The following PWWP2A variants were observed in gnomAD, a reference collection of about 807,000 sequenced individuals.
PWWP2A encodes PWWP domain containing 2A, also known as PWWP domain-containing protein 2A.
In PWWP2A, 18 loss-of-function variants were observed where a neutral mutation model predicts 48.5. The ratio of observed to expected loss-of-function variants is 0.37; its 90% CI spans 0.26 to 0.55. PWWP2A has a LOEUF of 0.55. Among genes scored for constraint, PWWP2A ranks in the 20% least tolerant of loss-of-function variants. PWWP2A has a pLI of 0.81. For synonymous variants in PWWP2A, 396 were observed against 387.7 expected (o/e 1.02, Z -0.25); for missense variants, 867 against 976.4 (o/e 0.89, Z 1.49).
At chr5:160,115,164 AAAAG>A (rs1405050638) in intron 1 of PWWP2A, among the ~76,000 whole-genome samples, 24 of 150,036 alleles carry the variant, frequency 1.6e-4, no homozygotes, top group African/African-American at 5.7e-4. Flanking sequence ...AAAAAAAAAA[AAAAG>A]AGCACAAACT....
rs1755241986 is a variant in PWWP2A, at chr5:160,093,038, G to T, written c.1612C>A (p.Gln538Lys). 1 of 1,605,930 alleles carries T rather than the reference G, an allele frequency of 6.2e-7. No individual in the cohort carries two copies. Among genetic ancestry groups the T allele is most frequent in the Non-Finnish European group, 8.5e-7 (1 of 1,176,284 alleles). The change falls in exon 2 of 2, where the codon CAG (glutamine) becomes AAG (lysine). Residue 538 changes from glutamine (Q) to lysine (K), a missense_variant. Physicochemically the swap from Gln to Lys is moderately conservative, Grantham distance 53 (BLOSUM62 1). Around this residue, in one of 4 missense-constraint regions of PWWP2A, gnomAD observed 382 missense variants for 407.2 expected, o/e 0.94. Coordinates refer to ENST00000307063, the MANE Select transcript of PWWP2A (RefSeq NM_001130864.2). The surrounding 1 kb of genome is among the most constrained non-coding windows in gnomAD (Gnocchi z 5.8). ...GGCACATGCACTTCATTTGTGTCCTGAACCTCACTGCTGGCCTCTTCAGGG... is the reference window on the plus strand; with the variant it reads ...GGCACATGCACTTCATTTGTGTCCTTAACCTCACTGCTGGCCTCTTCAGGG... ...KGPEEASSEV[Q>K]DTNEVHVPGD...
At chr5:160,072,092 G>A (rs1233163175), downstream of PWWP2A, among the ~76,000 whole-genome samples, 1 of 152,096 alleles carries the variant, frequency 6.6e-6, no homozygotes, top group Non-Finnish European at 1.5e-5. Context: ...AAGTATGTGC[G>A]CATTCCACCA....
chr5:160,068,756 T>C (rs1753675043), intron 2 of PWWP2A, among the ~76,000 whole-genome samples: 2 of 152,218 alleles, frequency 1.3e-5, no homozygotes, highest in African/African-American at 4.8e-5. Flanking sequence ...CAGCTACCAC[T>C]GTATTAGAGA....
At chr5:160,109,155 T>G in intron 1 of PWWP2A, among the ~76,000 whole-genome samples, 1 of 152,122 alleles carries the variant, frequency 6.6e-6, no homozygotes, top group East Asian at 1.9e-4. Flanking sequence ...AGCTAATTTT[T>G]GTATTTTTAG....
At chr5:160,096,992 A>G (rs1164638685) in intron 1 of PWWP2A, among the ~76,000 whole-genome samples, 1 of 152,192 alleles carries the variant, frequency 6.6e-6, no homozygotes, top group Admixed American at 6.5e-5. Flanking sequence ...CTTGGTTAAT[A>G]TTTACTTTAT....
Position 160,092,731 on chromosome 5 carries a change from T to C in PWWP2A, c.1919A>G (p.Lys640Arg). ...TGGTGTGACGCATTTAGAGACGTTT[T>C]TGGAAAAGACTTTCATTTTCAAGGA... Reference protein sequence around the residue: ...SNSLKMKVFSKNVSKCVTPDG... With the variant: ...SNSLKMKVFSRNVSKCVTPDG... The change falls in exon 2 of 2, where the codon AAA becomes AGA. Residue 640 changes from lysine (K) to arginine (R), a missense_variant. Transcript: ENST00000307063. 1 of 1,551,658 alleles carries C rather than the reference T, an allele frequency of 6.4e-7. No individual in the cohort carries two copies. Among genetic ancestry groups the C allele is most frequent in the Non-Finnish European group, 8.7e-7 (1 of 1,146,988 alleles).
downstream of PWWP2A, chr5:160,090,409 G>A (rs1280071442): frequency 3.1e-6 from 3 of 983,090 alleles, no homozygotes; most frequent in Middle Eastern, 5.2e-4. Flanking sequence ...TCATTAATCT[G>A]AAACAAATAC....
chr5:160,080,916 CAGAA>C, intron 2 of PWWP2A: 1 of 723,352 alleles, frequency 1.4e-6, no homozygotes, highest in Admixed American at 3.0e-5. Context: ...GCTCGCTTCA[CAGAA>C]GGAGAAGCTT....
chr5:160,060,469 G>A (rs558799010), downstream of PWWP2A, among the ~76,000 whole-genome samples: 3 of 152,134 alleles, frequency 2.0e-5, no homozygotes, highest in Admixed American at 6.6e-5. Flanking sequence ...TCTGATAGAC[G>A]AGATCCTAAT....
intron 1 of PWWP2A, among the ~76,000 whole-genome samples, chr5:160,115,342 G>A (rs867080796): frequency 6.6e-6 from 1 of 151,814 alleles, no homozygotes; most frequent in African/African-American, 2.4e-5. Flanking sequence ...GATCGCTTGA[G>A]CCCAGGAGCA....
At chr5:160,054,914 G>A in the PWWP2A span, among the ~76,000 whole-genome samples, 1 of 152,218 alleles carries the variant, frequency 6.6e-6, no homozygotes, top group African/African-American at 2.4e-5. Flanking sequence ...CAGCTACCCT[G>A]AAGCTCCTCT....
At chr5:160,084,641 A>G (rs1754485839) in intron 2 of PWWP2A, among the ~76,000 whole-genome samples, 1 of 151,834 alleles carries the variant, frequency 6.6e-6, no homozygotes, top group Admixed American at 6.6e-5. Context: ...ATGTTGCCGA[A>G]GCTGGTCTCA....
chr5:160,096,110 C>A (rs1755622677), intron 1 of PWWP2A, among the ~76,000 whole-genome samples: 2 of 152,190 alleles, frequency 1.3e-5, no homozygotes, highest in Admixed American at 1.3e-4. Flanking sequence ...AGCCAGCATA[C>A]ACCAGGTATT....
chr5:160,095,047 C>CCAA (rs1450846096), intron 1 of PWWP2A, among the ~76,000 whole-genome samples: 6 of 30,874 alleles, frequency 1.9e-4, no homozygotes, highest in Admixed American at 6.3e-4. Context: ...GACTCTGTCT[C>CCAA]AAAAAAAAAA....
At chr5:160,086,255 T>A (rs1022572665) in intron 2 of PWWP2A, among the ~76,000 whole-genome samples, 1 of 152,192 alleles carries the variant, frequency 6.6e-6, no homozygotes, top group Non-Finnish European at 1.5e-5. Context: ...CAGTGGCTCA[T>A]ACCTGTAACC....
At chr5:160,054,798 G>A in the PWWP2A span, among the ~76,000 whole-genome samples, 2 of 152,156 alleles carry the variant, frequency 1.3e-5, no homozygotes, top group East Asian at 3.9e-4. Context: ...GTATATCTAA[G>A]CCTTTATGGG....
chr5:160,109,792 T>TATAAAATAATATAATA (rs1757338702), intron 1 of PWWP2A, among the ~76,000 whole-genome samples: 1 of 124,748 alleles, frequency 8.0e-6, no homozygotes, highest in Non-Finnish European at 1.7e-5. Flanking sequence ...TATATATATA[T>TATAAAATAATATAATA]ATATATATAT....
chr5:160,110,654 C>T (rs1354263343), intron 1 of PWWP2A, among the ~76,000 whole-genome samples: 1 of 151,568 alleles, frequency 6.6e-6, no homozygotes, highest in East Asian at 2.0e-4. Context: ...TGCGGTGAGC[C>T]GACATCATGC....
Position 160,119,374 on chromosome 5 carries a change from A to G in PWWP2A, c.15T>C (p.Ala5=). The G allele has an allele frequency of 7.4e-7, 1 of 1,357,334 alleles. No individual in the cohort carries two copies. The highest frequency in any genetic ancestry group is 1.6e-5 in the African/African-American group (1 of 64,286). The allele number at this position is 1,357,334 out of a possible 1,614,324, so 84.1% of individuals were successfully genotyped here. A position where few individuals can be genotyped will look rare whatever the true frequency, so the allele number is the denominator to read the frequency against. The change falls in exon 1 of 2, where the codon GCT becomes GCC. Residue 5 remains alanine (A), a synonymous_variant. Transcript: ENST00000307063. Reference sequence around the variant, plus strand: ...ACGCTGCAGTCGCTGCCGCCTCTGCAGCCACGGCCGCCATTTTCTTCCTAG... The same window carrying G: ...ACGCTGCAGTCGCTGCCGCCTCTGCGGCCACGGCCGCCATTTTCTTCCTAG... MAAV[A]AEAAATAASP...
Sources: gnomAD v4.1 joint callset for allele counts (sites outside exome capture counted in the v4.1 genomes callset) on GRCh38, gnomAD v4.1.1 for gene constraint, gnomAD v4.1.1 regional missense constraint, Gnocchi (gnomAD v3.1) non-coding constraint, MANE v1.5 for transcripts, NCBI Gene and HGNC (gene_info 2026-07-23, HGNC 2026-07-21) for gene names.